PPP4R1: variants seen among roughly 807,000 people sequenced by gnomAD.
PPP4R1 encodes protein phosphatase 4 regulatory subunit 1.
A neutral mutation model predicts 111.2 loss-of-function variants in PPP4R1; 42 were observed. The ratio of observed to expected loss-of-function variants is 0.38; its 90% CI spans 0.29 to 0.49. The LOEUF is 0.49. PPP4R1 is among the 20% of genes least tolerant of loss of function. The probability of loss-of-function intolerance (pLI) is 0.97; values close to 1 mark genes in which losing one functional copy is unlikely to be tolerated. For missense variants in PPP4R1, 1,012 were observed against 1,161.6 expected (o/e 0.87, Z 1.87); for synonymous variants, 409 against 405.5 (o/e 1.01, Z -0.10).
intron 11 of PPP4R1, among the ~76,000 whole-genome samples, chr18:9,566,556 C>G (rs1598907262): frequency 6.6e-6 from 1 of 151,846 alleles, no homozygotes; most frequent in Non-Finnish European, 1.5e-5. Context: ...GAGGCTGAGG[C>G]AGGAGAATCG....
At chr18:9,572,879 A>G (rs2066883191) in intron 10 of PPP4R1, among the ~76,000 whole-genome samples, 1 of 152,258 alleles carries the variant, frequency 6.6e-6, no homozygotes, top group Admixed American at 6.5e-5. Flanking sequence ...CAAAATATAC[A>G]GTATGCATAT....
upstream of PPP4R1, chr18:9,615,177 G>A (rs1331381507): frequency 6.6e-6 from 1 of 152,278 alleles, no homozygotes; most frequent in Non-Finnish European, 1.5e-5. Flanking sequence ...GACTGACAAA[G>A]TCATGCCTGC....
At chr18:9,589,533 G>T (rs1021305738) in intron 4 of PPP4R1, among the ~76,000 whole-genome samples, 8 of 152,074 alleles carry the variant, frequency 5.3e-5, no homozygotes, top group African/African-American at 1.7e-4. Flanking sequence ...AGTACTAAAA[G>T]ATAATATTAA....
chr18:9,602,297 C>G (rs1227297812), intron 2 of PPP4R1, among the ~76,000 whole-genome samples: 1 of 146,368 alleles, frequency 6.8e-6, no homozygotes, highest in Admixed American at 7.0e-5. Context: ...TTTGGGAGGC[C>G]AAGGCAGGCG....
rs1413247120 is a variant in PPP4R1 at position 9,584,542 on chromosome 18, A to G, written c.732T>C (p.Val244=). 1.2e-6 allele frequency: 2 copies of G among 1,613,534 alleles called. No individual in the cohort carries two copies. Among genetic ancestry groups the G allele is most frequent in the Admixed American group, 1.7e-5 (1 of 59,898 alleles). Residue 244 remains valine, a synonymous_variant, in exon 8 of 20, where the codon GTT becomes GTC. Transcript: ENST00000400556. ...ACATTTCTTCAGTAGCTTGCTGGCC[A>G]ACTACACTGCAAATATCTCCAAAAT... is the stretch of plus-strand genomic sequence containing the variant. ...AANFGDICSV[V]GQQATEEMLL...
At chr18:9,598,762 C>T (rs531695208) in intron 2 of PPP4R1, among the ~76,000 whole-genome samples, 75 of 152,198 alleles carry the variant, frequency 4.9e-4, no homozygotes, top group East Asian at 2.1e-3. Flanking sequence ...CAGTGGCTCA[C>T]GCCTGTAATC....
At position 9,598,853 on chromosome 18, in the gene PPP4R1, T is replaced by C. The variant is rs1285100084; in HGVS notation, c.53-3700A>G. Among the ~76,000 whole-genome samples the C allele has an allele frequency of 5.3e-5, 6 of 112,902 alleles. No homozygotes were observed. In the South Asian group the frequency reaches 1.2e-3, roughly 22 times the overall value. 74.1% of individuals were successfully genotyped at this position (112,902 alleles called of 152,430 possible). A position where few individuals can be genotyped will look rare whatever the true frequency, so the allele number is the denominator to read the frequency against. On this transcript the variant is annotated intron_variant, in intron 2 of 19. Transcript: ENST00000400556. The stretch of plus-strand genomic sequence containing the variant: ...CAGCCTGGGCAATATAGTAAAACCT[T>C]GCCTCTAAAAAAAAATACAAAAATT...
intron 15 of PPP4R1, among the ~76,000 whole-genome samples, chr18:9,555,323 TA>T (rs201231873): frequency 6.0e-5 from 9 of 150,280 alleles, no homozygotes; most frequent in Admixed American, 1.3e-4. Flanking sequence ...GTTAATTAAT[TA>T]AAAAAAAACA....
intron 9 of PPP4R1, 23 bp downstream of exon 9, chr18:9,583,094 A>C (rs2067056868): frequency 1.3e-6 from 2 of 1,574,668 alleles, no homozygotes; most frequent in Non-Finnish European, 8.7e-7. Context: ...ATTATTTTAC[A>C]AAAGTGATAA....
At chr18:9,559,348 T>C in intron 14 of PPP4R1, 71 bp downstream of exon 14, 1 of 1,356,772 alleles carries the variant, frequency 7.4e-7, no homozygotes. Flanking sequence ...AGAAATTCTT[T>C]AGGTTACAAA....
intron 4 of PPP4R1, 53 bp from the exon 5 acceptor site, chr18:9,588,906 C>T (rs1304801770): frequency 6.3e-7 from 1 of 1,589,526 alleles, no homozygotes; most frequent in Non-Finnish European, 8.6e-7. Context: ...GCAACAAAAC[C>T]TTTATCTGTT....
intron 2 of PPP4R1, among the ~76,000 whole-genome samples, chr18:9,611,953 G>A (rs1024602624): frequency 1.1e-4 from 17 of 152,012 alleles, no homozygotes; most frequent in African/African-American, 3.9e-4. Flanking sequence ...AGAGGTTGCG[G>A]TGAGCCGAGA....
chr18:9,583,315 T>C (rs375981664), intron 8 of PPP4R1, 40 bp from the exon 9 acceptor site: 8 of 1,442,490 alleles, frequency 5.5e-6, no homozygotes, highest in African/African-American at 2.9e-5. Flanking sequence ...TGGATAAAGA[T>C]AGCAGATTTC....
At chr18:9,560,634 G>T (rs1472307874) in intron 13 of PPP4R1, among the ~76,000 whole-genome samples, 1 of 152,162 alleles carries the variant, frequency 6.6e-6, no homozygotes, top group Non-Finnish European at 1.5e-5. Context: ...GAAAATGTCT[G>T]TAAGTGGGGA....
chr18:9,608,837 T>C (rs960968765), intron 2 of PPP4R1, among the ~76,000 whole-genome samples: 11 of 152,350 alleles, frequency 7.2e-5, no homozygotes, highest in African/African-American at 2.6e-4. Flanking sequence ...TTGAGGAGAC[T>C]GAGAGAAAAG....
At position 9,558,984 on chromosome 18, in the gene PPP4R1, T is replaced by C. The variant is rs191679130; in HGVS notation, c.2028+435A>G. Among the ~76,000 whole-genome samples, 188 of 152,314 alleles carry C rather than the reference T, an allele frequency of 1.2e-3. 1 individual carries two copies. Among genetic ancestry groups the C allele is most frequent in the African/African-American group, 4.4e-3 (181 of 41,560 alleles). On this transcript the variant is annotated intron_variant, in intron 14 of 19. Transcript: ENST00000400556. ...TGTCTGTACTGCAATGCTCAAGGCA[T>C]GCAGGGCCCAGAACTTCACATGTGC...
chr18:9,605,566 CAAAAAAAAAAAAAAAAAAA>C (rs34208690), intron 2 of PPP4R1, among the ~76,000 whole-genome samples: 1 of 67,640 alleles, frequency 1.5e-5, no homozygotes, highest in Admixed American at 2.0e-4. Flanking sequence ...GCAGTCCTGT[CAAAAAAAAAAAAAAAAAAA>C]AAAAAAAAAA....
chr18:9,560,129 A>G (rs1248282349), intron 13 of PPP4R1, among the ~76,000 whole-genome samples: 1 of 152,106 alleles, frequency 6.6e-6, no homozygotes, highest in Non-Finnish European at 1.5e-5. Context: ...AAAATTAAAA[A>G]ATCAGCCAGG....
At chr18:9,562,134 T>C (rs1312122328) in intron 12 of PPP4R1, 59 bp from the exon 13 acceptor site, 9 of 1,301,174 alleles carry the variant, frequency 6.9e-6, no homozygotes, top group Non-Finnish European at 1.0e-5. Context: ...TCATTTAAGC[T>C]ATCTTACTAA....
Sources: allele counts gnomAD v4.1 joint callset (sites outside exome capture counted in the v4.1 genomes callset), GRCh38; gene constraint gnomAD v4.1.1; transcripts MANE v1.5; gene names NCBI Gene and HGNC (gene_info 2026-07-23, HGNC 2026-07-21).